ARHGAP26: variants seen among roughly 807,000 people sequenced by gnomAD.
The protein encoded by ARHGAP26 is rho GTPase-activating protein 26.
ARHGAP26 carries 38 observed loss-of-function variants against 104.8 expected under a neutral mutation model. The ratio of observed to expected loss-of-function variants is 0.36; its 90% CI spans 0.28 to 0.48. The LOEUF (loss-of-function observed/expected upper bound fraction) is 0.48, where lower values mean the gene tolerates loss of function less well. Among genes scored for constraint, ARHGAP26 ranks in the 20% least tolerant of loss-of-function variants. The probability of loss-of-function intolerance (pLI) is 0.99; values close to 1 mark genes in which losing one functional copy is unlikely to be tolerated. For missense variants in ARHGAP26, 704 were observed against 947.9 expected (o/e 0.74, Z 3.38); for synonymous variants, 341 against 340.0 (o/e 1.00, Z -0.03).
chr5:143,006,947 A>T (rs1293588061), intron 11 of ARHGAP26, among the ~76,000 whole-genome samples: 1 of 152,084 alleles, frequency 6.6e-6, no homozygotes, highest in African/African-American at 2.4e-5. Flanking sequence ...AAAGTTCCTA[A>T]GCCTGGGCAC....
At chr5:143,122,966 T>C (rs1169151613) in intron 18 of ARHGAP26, among the ~76,000 whole-genome samples, 1 of 152,232 alleles carries the variant, frequency 6.6e-6, no homozygotes, top group Non-Finnish European at 1.5e-5. Context: ...TAAAATTTAC[T>C]TACTGATTAG....
intron 17 of ARHGAP26, among the ~76,000 whole-genome samples, chr5:143,088,269 T>C (rs1165002965): frequency 6.6e-6 from 1 of 152,252 alleles, no homozygotes; most frequent in Non-Finnish European, 1.5e-5. Context: ...AAGCCCTATG[T>C]GTGCAGTGAC....
chr5:143,048,046 A>G (rs957331621), intron 14 of ARHGAP26, among the ~76,000 whole-genome samples: 3 of 151,992 alleles, frequency 2.0e-5, no homozygotes, highest in African/African-American at 7.3e-5. Flanking sequence ...TCAAGGTTTC[A>G]CCATGTTGGC....
chr5:143,058,803 C>A (rs2150303543), intron 17 of ARHGAP26, among the ~76,000 whole-genome samples: 1 of 152,320 alleles, frequency 6.6e-6, no homozygotes, highest in African/African-American at 2.4e-5. Flanking sequence ...ACCATTTCCT[C>A]ATTTCCATCA....
intron 17 of ARHGAP26, among the ~76,000 whole-genome samples, chr5:143,095,168 T>G (rs1219755054): frequency 9.3e-5 from 14 of 150,416 alleles, no homozygotes; most frequent in Admixed American, 8.6e-4. Flanking sequence ...CTATATAATA[T>G]ATATGTATAA....
At chr5:142,778,682 C>T (rs143561845) in intron 1 of ARHGAP26, among the ~76,000 whole-genome samples, 1 of 152,340 alleles carries the variant, frequency 6.6e-6, no homozygotes, top group African/African-American at 2.4e-5. Flanking sequence ...TGATTATTTG[C>T]ACACCTGCTT....
chr5:143,175,452 A>G (rs1277482183), intron 20 of ARHGAP26, among the ~76,000 whole-genome samples: 9 of 152,182 alleles, frequency 5.9e-5, no homozygotes, highest in Admixed American at 5.9e-4. Context: ...TTTCTTTTGT[A>G]AGTATGTAAG....
At chr5:142,773,715 G>T (rs1442966030) in intron 1 of ARHGAP26, among the ~76,000 whole-genome samples, 1 of 152,192 alleles carries the variant, frequency 6.6e-6, no homozygotes, top group Non-Finnish European at 1.5e-5. Context: ...AGATGAGAGT[G>T]GCTGAATATG....
intron 1 of ARHGAP26, among the ~76,000 whole-genome samples, chr5:142,805,863 A>G (rs1169816764): frequency 6.6e-6 from 1 of 152,134 alleles, no homozygotes; most frequent in African/African-American, 2.4e-5. Flanking sequence ...TGGACCAGGA[A>G]TGTCATTTTT....
chr5:142,841,703 T>G (rs1275737220), intron 1 of ARHGAP26, among the ~76,000 whole-genome samples: 3 of 152,222 alleles, frequency 2.0e-5, no homozygotes, highest in African/African-American at 7.2e-5. Flanking sequence ...CTGCTTTTGT[T>G]GGAGGGCAGT....
chr5:143,117,064 C>T (rs1795552371), intron 17 of ARHGAP26, among the ~76,000 whole-genome samples: 1 of 152,190 alleles, frequency 6.6e-6, no homozygotes, highest in African/African-American at 2.4e-5. Context: ...GAGTAGTCCA[C>T]GTGGATGTAG....
chr5:142,816,627 G>A (rs1323797811), intron 1 of ARHGAP26, among the ~76,000 whole-genome samples: 1 of 152,246 alleles, frequency 6.6e-6, no homozygotes, highest in African/African-American at 2.4e-5. Flanking sequence ...AAAGGCTTGT[G>A]AAGTGCAGTG....
rs76866295 is a variant in ARHGAP26 at position 142,789,859 on chromosome 5, C to T, written c.154+18944C>T. ...GGGAACCCTTCTTTCCTTATGTATC[C>T]AGGACCAGGGCACTCTTTCTTAATC... is the stretch of plus-strand genomic sequence containing the variant. On this transcript the variant is annotated intron_variant, in intron 1 of 22. Transcript: ENST00000645722. 9.6e-3 allele frequency among the ~76,000 whole-genome samples: 1,459 copies of T among 152,172 alleles called. 31 individuals are homozygous for T. The highest frequency in any genetic ancestry group is 0.034 in the African/African-American group (1,391 of 41,504).
chr5:142,772,094 C>T (rs6898675), intron 1 of ARHGAP26, among the ~76,000 whole-genome samples: 23,940 of 152,140 alleles, frequency 0.16, 4,075 homozygotes, highest in African/African-American at 0.42. Context: ...AGAGTAGAGT[C>T]GTAGCTGTGG....
chr5:142,982,597 C>T (rs1444958270), intron 11 of ARHGAP26, among the ~76,000 whole-genome samples: 1 of 152,198 alleles, frequency 6.6e-6, no homozygotes, highest in Non-Finnish European at 1.5e-5. Flanking sequence ...AGGATCTCAC[C>T]ACCCAGTGTG....
chr5:142,969,601 G>A (rs970914166), intron 11 of ARHGAP26, among the ~76,000 whole-genome samples: 7 of 152,184 alleles, frequency 4.6e-5, no homozygotes, highest in Admixed American at 1.3e-4. Flanking sequence ...AATAATGTTC[G>A]TTTAACTGAA....
intron 20 of ARHGAP26, among the ~76,000 whole-genome samples, chr5:143,174,090 A>G (rs1301227363): frequency 1.3e-5 from 2 of 152,212 alleles, no homozygotes; most frequent in Non-Finnish European, 2.9e-5. Context: ...TCTTAAAAGG[A>G]GGATGGCAGC....
At chr5:142,980,657 G>A (rs1191785594) in intron 11 of ARHGAP26, among the ~76,000 whole-genome samples, 1 of 152,106 alleles carries the variant, frequency 6.6e-6, no homozygotes, top group Non-Finnish European at 1.5e-5. Flanking sequence ...CCAAAGTGCT[G>A]GGATTACAGG....
At chr5:143,012,548 C>CATAAATATATATATATATATATAT (rs1414408846) in intron 11 of ARHGAP26, among the ~76,000 whole-genome samples, 1 of 23,352 alleles carries the variant, frequency 4.3e-5, no homozygotes, top group African/African-American at 1.2e-4. Context: ...TATATACATA[C>CATAAATATATATATATATATATAT]ATACATATAT....
Sources: allele counts gnomAD v4.1 joint callset (sites outside exome capture counted in the v4.1 genomes callset), GRCh38; gene constraint gnomAD v4.1.1; transcripts MANE v1.5; gene names NCBI Gene and HGNC (gene_info 2026-07-23, HGNC 2026-07-21).